The following AARS1 variants were observed in gnomAD, a reference collection of about 807,000 sequenced individuals.
The protein encoded by AARS1 is alanine--tRNA ligase, cytoplasmic.
A neutral mutation model predicts 108.9 loss-of-function variants in AARS1; 72 were observed. The ratio of observed to expected loss-of-function variants is 0.66; its 90% CI spans 0.55 to 0.80. The LOEUF is 0.80. Ranked by LOEUF, AARS1 falls within the 30% of genes least tolerant of loss-of-function variation. The pLI is 0.00. For missense variants in AARS1, 1,193 were observed against 1,233.2 expected (o/e 0.97, Z 0.49); for synonymous variants, 489 against 465.7 (o/e 1.05, Z -0.64).
chr16:70,253,968 T>A lies in AARS1; in HGVS notation c.2471A>T (p.Lys824Met). The change falls in exon 18 of 21, where the codon AAG becomes ATG. Residue 824 changes from lysine to methionine, a missense_variant. Physicochemically the swap from Lys to Met is moderately conservative, Grantham distance 95. Coordinates refer to ENST00000261772, the MANE Select transcript of AARS1 (RefSeq NM_001605.3). ...GGCTCGGTCCAAGTCATCCATGACCTTCTTTAGGGATTTGAGAGTCTCCCG... is the reference window on the plus strand; with the variant it reads ...GGCTCGGTCCAAGTCATCCATGACCATCTTTAGGGATTTGAGAGTCTCCCG... ...ELRETLKSLK[K>M]VMDDLDRASK... 2 of 1,614,178 alleles carry A rather than the reference T, an allele frequency of 1.2e-6. No individual in the cohort carries two copies. The highest frequency in any genetic ancestry group is 8.5e-7 in the Non-Finnish European group (1 of 1,180,028).
rs1960065355 is a variant in AARS1, at chr16:70,258,963, G to A, written c.1992+17C>T. The A allele has an allele frequency of 1.9e-6, 3 of 1,612,546 alleles. No individual in the cohort carries two copies. Among genetic ancestry groups the A allele is most frequent in the Admixed American group, 1.7e-5 (1 of 59,988 alleles). ...ACGGTGTGGGGAGGGGGGGCATTCA[G>A]CCGTCGCCCATCCTACCTTGGCTGC... On this transcript the variant is annotated intron_variant, in intron 14 of 20. Transcript: ENST00000261772.
chr16:70,268,422 G>T, intron 7 of AARS1, 43 bp from the exon 8 acceptor site: 1 of 1,570,510 alleles, frequency 6.4e-7, no homozygotes, highest in Non-Finnish European at 8.8e-7. Context: ...CCAGCTGAGG[G>T]TTTTGTCTTG....
intron 16 of AARS1, among the ~76,000 whole-genome samples, chr16:70,255,236 G>A (rs114349195): frequency 0.013 from 1,504 of 118,028 alleles, 40 homozygotes; most frequent in African/African-American, 0.047. Flanking sequence ...GTCTCGCCCC[G>A]TCACCCAAGC....
chr16:70,258,195 G>A lies in AARS1; in HGVS notation c.2015C>T (p.Pro672Leu). 6.3e-7 allele frequency: 1 copy of A among 1,598,236 alleles called. No homozygotes were observed. The highest frequency in any genetic ancestry group is 1.7e-5 in the Admixed American group (1 of 57,936). ...CTGGATGGCTTTCGCTGCTGCCAGG[G>A]GGCAATCCTGGGTATAGACGGCCTG... Reference protein sequence around the residue: ...AAKAVYTQDCPLAAAKAIQGL... With the variant: ...AAKAVYTQDCLLAAAKAIQGL... Residue 672 changes from proline (P) to leucine (L), a missense_variant, in exon 15 of 21, where the codon CCC (proline) becomes CTC (leucine). By Grantham distance (98) the Pro-to-Leu change is moderately conservative. Coordinates refer to ENST00000261772, the MANE Select transcript of AARS1 (RefSeq NM_001605.3).
intron 13 of AARS1, among the ~76,000 whole-genome samples, chr16:70,260,243 G>C (rs1193912988): frequency 2.0e-5 from 3 of 152,328 alleles, no homozygotes; most frequent in African/African-American, 4.8e-5. Context: ...CCCTGGCCTA[G>C]ACAATGGATC....
At chr16:70,257,311 T>C (rs965220239) in intron 15 of AARS1, among the ~76,000 whole-genome samples, 9 of 151,316 alleles carry the variant, frequency 5.9e-5, no homozygotes, top group Non-Finnish European at 1.3e-4. Context: ...CCCAGCTACT[T>C]GGGAGGCTGA....
intron 4 of AARS1, among the ~76,000 whole-genome samples, chr16:70,275,376 G>A (rs1437424088): frequency 6.6e-6 from 1 of 152,128 alleles, no homozygotes; most frequent in Non-Finnish European, 1.5e-5. Flanking sequence ...AGCACTTTGG[G>A]AGGCCACGGC....
At chr16:70,268,239 G>C in intron 8 of AARS1, 32 bp downstream of exon 8, 1 of 1,587,674 alleles carries the variant, frequency 6.3e-7, no homozygotes, top group Non-Finnish European at 8.7e-7. Flanking sequence ...GACTGCTTTA[G>C]CACAGAAGGG....
intron 4 of AARS1, chr16:70,276,138 C>T (rs969007464): frequency 3.6e-5 from 6 of 164,918 alleles, no homozygotes; most frequent in African/African-American, 1.4e-4. Context: ...TTGCTTAAGC[C>T]CAGGAGACAG....
chr16:70,257,560 C>A (rs1960021662), intron 15 of AARS1, among the ~76,000 whole-genome samples: 1 of 152,198 alleles, frequency 6.6e-6, no homozygotes, highest in Admixed American at 6.5e-5. Context: ...CCAAGCCAAA[C>A]TGAGCTGAGT....
At chr16:70,262,617 C>T in intron 11 of AARS1, 93 bp from the exon 12 acceptor site, 3 of 1,216,408 alleles carry the variant, frequency 2.5e-6, no homozygotes, top group Non-Finnish European at 3.4e-6. Flanking sequence ...CTTTCGCAAA[C>T]TCTTCTTAGC....
At position 70,253,642 on chromosome 16, in the gene AARS1, CCA is replaced by C. The variant is rs573416375; in HGVS notation, c.2607+70_2607+71del. On this transcript the variant is annotated intron_variant, in intron 19 of 20. Coordinates refer to ENST00000261772, the MANE Select transcript of AARS1 (RefSeq NM_001605.3). ...CCTTAGGCAACCACTTCGCTCAGAG[CCA>C]CAGAGGCCACATGTCAGCCACCAGA... The C allele has an allele frequency of 2.6e-4, 394 of 1,536,804 alleles. 3 individuals are homozygous for C. The South Asian group carries it at 4.1e-3, about 16-fold the overall frequency.
At chr16:70,273,438 C>G (rs1368849783) in intron 4 of AARS1, among the ~76,000 whole-genome samples, 1 of 152,148 alleles carries the variant, frequency 6.6e-6, no homozygotes, top group Non-Finnish European at 1.5e-5. Flanking sequence ...AAAAAACTGG[C>G]TAGGCACAGT....
chr16:70,279,838 A>C (rs911561146), intron 2 of AARS1, among the ~76,000 whole-genome samples: 11 of 152,142 alleles, frequency 7.2e-5, no homozygotes, highest in African/African-American at 2.6e-4. Flanking sequence ...CCTAAAATTA[A>C]TGCCTCCAAT....
In AARS1 at chr16:70,261,041, C is replaced by T. The variant is rs778265256; in HGVS notation, c.1785+3G>A. 2.5e-6 allele frequency: 4 copies of T among 1,610,632 alleles called. No individual in the cohort carries two copies. In the South Asian group the frequency reaches 4.4e-5, roughly 18 times the overall value. On this transcript the variant is annotated splice_donor_region_variant and intron_variant, in intron 13 of 20. Coordinates refer to ENST00000261772, the MANE Select transcript of AARS1 (RefSeq NM_001605.3). Reference sequence around the variant, plus strand: ...CAATGGGGGCCACAGTAACCCAACTCACCTCATCAATAAACAGCCAGACCT... The same window carrying T: ...CAATGGGGGCCACAGTAACCCAACTTACCTCATCAATAAACAGCCAGACCT...
intron 8 of AARS1, 28 bp from the exon 9 acceptor site, chr16:70,267,837 C>A (rs752958112): frequency 1.2e-6 from 2 of 1,614,082 alleles, no homozygotes; most frequent in African/African-American, 1.3e-5. Context: ...AGATGAGGGG[C>A]TGGATGAAGC....
intron 4 of AARS1, among the ~76,000 whole-genome samples, chr16:70,272,479 C>G (rs1444045725): frequency 2.4e-5 from 3 of 127,024 alleles, no homozygotes; most frequent in African/African-American, 9.0e-5. Context: ...GCACTCCAGC[C>G]TGGGCAACGA....
chr16:70,275,426 T>C (rs887218223), intron 4 of AARS1, among the ~76,000 whole-genome samples: 3 of 151,764 alleles, frequency 2.0e-5, no homozygotes, highest in Non-Finnish European at 2.9e-5. Context: ...TCATCCTGGC[T>C]AACACGGTGA....
intron 7 of AARS1, among the ~76,000 whole-genome samples, chr16:70,268,629 A>C (rs186570190): frequency 6.6e-6 from 1 of 152,162 alleles, no homozygotes; most frequent in East Asian, 1.9e-4. Context: ...TAGAGGGAGG[A>C]AAGATGGACA....
Sources: gnomAD v4.1 joint callset for allele counts (sites outside exome capture counted in the v4.1 genomes callset) on GRCh38, gnomAD v4.1.1 for gene constraint, MANE v1.5 for transcripts, NCBI Gene and HGNC (gene_info 2026-07-23, HGNC 2026-07-21) for gene names.